The following SLC12A6 variants were observed in gnomAD, a reference collection of about 807,000 sequenced individuals.
The protein encoded by SLC12A6 is solute carrier family 12 member 6.
Under a neutral mutation model 135.3 loss-of-function variants are expected in SLC12A6, and 66 were observed. The observed-to-expected ratio is 0.49, with a 90% confidence interval of 0.40 to 0.60. The LOEUF (loss-of-function observed/expected upper bound fraction) is 0.60, where lower values mean the gene tolerates loss of function less well. SLC12A6 is among the 20% of genes least tolerant of loss of function. The pLI is 0.00. For synonymous variants in SLC12A6, 513 were observed against 508.8 expected (o/e 1.01, Z -0.11); for missense variants, 1,058 against 1,452.3 (o/e 0.73, Z 4.41).
chr15:34,291,579 T>C (rs1434781156), intron 2 of SLC12A6, among the ~76,000 whole-genome samples: 1 of 152,210 alleles, frequency 6.6e-6, no homozygotes, highest in Non-Finnish European at 1.5e-5. Context: ...AAGAGTGTTT[T>C]CTAACTTGGT....
chr15:34,262,583 G>A (rs1226384884), intron 3 of SLC12A6, among the ~76,000 whole-genome samples: 1 of 152,190 alleles, frequency 6.6e-6, no homozygotes, highest in Non-Finnish European at 1.5e-5. Flanking sequence ...GGGAGCAGGG[G>A]CGACAGGACA....
chr15:34,261,024 GAAA>G lies in SLC12A6; in HGVS notation c.317-7_317-5del, dbSNP rs747243268. 5 of 1,302,960 alleles carry G rather than the reference GAAA, an allele frequency of 3.8e-6. No individual in the cohort carries two copies. Among genetic ancestry groups the G allele is most frequent in the Non-Finnish European group, 2.1e-6 (2 of 938,364 alleles). The allele number at this position is 1,302,960 out of a possible 1,614,324, so 80.7% of individuals were successfully genotyped here. On this transcript the variant is annotated splice_region_variant and splice_polypyrimidine_tract_variant and intron_variant, in intron 3 of 25. Transcript: ENST00000354181. ...CGAGCTTTCTTATGTCCGTCGTCTG[GAAA>G]AAAAAAAGTAGACCAAGTTAGTTTC...
In SLC12A6 at chr15:34,233,901, C is replaced by T. The variant is rs753913744; in HGVS notation, c.3433G>A (p.Val1145Met). 6.3e-7 allele frequency: 1 copy of T among 1,596,282 alleles called. No homozygotes were observed. Among genetic ancestry groups the T allele is most frequent in the Admixed American group, 1.7e-5 (1 of 59,998 alleles). Reference sequence around the variant, plus strand: ...GTAGGTTATGAATAAATGGTGATCACTTCACTGCCACCACCCCGGACAAGT... The same window carrying T: ...GTAGGTTATGAATAAATGGTGATCATTTCACTGCCACCACCCCGGACAAGT... ...VLLVRGGGSE[V>M]ITIYS Residue 1145 changes from valine to methionine, a missense_variant, in exon 26 of 26, where the codon GTG becomes ATG. Physicochemically the swap from Val to Met is conservative, Grantham distance 21 (BLOSUM62 1). Transcript: ENST00000354181.
chr15:34,269,673 G>A lies in SLC12A6; in HGVS notation c.316+5672C>T, dbSNP rs954614626. Among the ~76,000 whole-genome samples the A allele has an allele frequency of 1.5e-4, 23 of 151,776 alleles. No individual in the cohort carries two copies. The East Asian group carries it at 4.1e-3, about 27-fold the overall frequency. On this transcript the variant is annotated intron_variant, in intron 3 of 25. Coordinates refer to ENST00000354181, the MANE Select transcript of SLC12A6 (RefSeq NM_001365088.1). ...TCATTTGTCCTGGAGAGTTTCTGAT[G>A]GTCTGGGTTTTGATCATGGCATCCA...
At chr15:34,284,277 C>CTTTTTTTTTTTTTTTTTTTTTTTTT (rs71415558) in intron 2 of SLC12A6, among the ~76,000 whole-genome samples, 2 of 92,490 alleles carry the variant, frequency 2.2e-5, no homozygotes, top group Non-Finnish European at 4.0e-5. Context: ...TGTTTCTTTT[C>CTTTTTTTTTTTTTTTTTTTTTTTTT]TTTTTTTTTT....
chr15:34,252,387 A>G lies in SLC12A6; in HGVS notation c.1119-3T>C. ...TGCGGTTACCCAGCATGCAGACCCT[A>G]AGTGAAAAGAAATAGGGAGAAAGAT... On this transcript the variant is annotated splice_polypyrimidine_tract_variant and splice_region_variant and intron_variant, in intron 9 of 25. Transcript: ENST00000354181. The G allele has an allele frequency of 1.9e-6, 3 of 1,566,036 alleles. No individual in the cohort carries two copies. Among genetic ancestry groups the G allele is most frequent in the Non-Finnish European group, 1.8e-6 (2 of 1,136,222 alleles).
intron 2 of SLC12A6, among the ~76,000 whole-genome samples, chr15:34,290,849 T>A (rs188381816): frequency 6.6e-6 from 1 of 152,186 alleles, no homozygotes; most frequent in East Asian, 1.9e-4. Context: ...TCTTCCTCCA[T>A]CCCTTTATTT....
chr15:34,242,066 A>C, intron 17 of SLC12A6, 36 bp downstream of exon 17: 2 of 1,559,180 alleles, frequency 1.3e-6, no homozygotes, highest in Non-Finnish European at 1.8e-6. Context: ...TAGTCTTGCT[A>C]CTTTTAGCAG....
intron 13 of SLC12A6, among the ~76,000 whole-genome samples, chr15:34,248,199 C>T (rs995531437): frequency 3.9e-5 from 6 of 151,998 alleles, no homozygotes; most frequent in Middle Eastern, 3.4e-3. Context: ...ATTCTACTAG[C>T]GATGGACATT....
At chr15:34,324,080 T>A (rs908819013) in intron 2 of SLC12A6, among the ~76,000 whole-genome samples, 1 of 152,128 alleles carries the variant, frequency 6.6e-6, no homozygotes, top group Non-Finnish European at 1.5e-5. Context: ...GCAATTCTTG[T>A]TCTCTGTATT....
chr15:34,239,422 T>C (rs1891490701), intron 19 of SLC12A6, among the ~76,000 whole-genome samples: 1 of 152,198 alleles, frequency 6.6e-6, no homozygotes, highest in East Asian at 1.9e-4. Context: ...TTTTGTTCCT[T>C]TGCACCATAC....
intron 2 of SLC12A6, among the ~76,000 whole-genome samples, chr15:34,328,673 G>A (rs1248346315): frequency 6.6e-6 from 1 of 152,178 alleles, no homozygotes; most frequent in Admixed American, 6.5e-5. Context: ...GAGCTCAGGA[G>A]TTCGAGACCA....
At chr15:34,318,552 C>G (rs201906721) in intron 2 of SLC12A6, 1 of 1,609,756 alleles carries the variant, frequency 6.2e-7, no homozygotes, top group East Asian at 2.2e-5. Context: ...TCCCAAGTTG[C>G]GTACTCACCT....
intron 3 of SLC12A6, among the ~76,000 whole-genome samples, chr15:34,269,820 G>A (rs1893790455): frequency 1.3e-5 from 2 of 151,976 alleles, no homozygotes; most frequent in South Asian, 4.2e-4. Flanking sequence ...CTTCACAGTG[G>A]TATTATGAAC....
chr15:34,283,280 T>A (rs888131440), intron 2 of SLC12A6, among the ~76,000 whole-genome samples: 1 of 151,988 alleles, frequency 6.6e-6, no homozygotes, highest in South Asian at 2.1e-4. Flanking sequence ...GAGGCAGAGG[T>A]TGCAGTGACC....
chr15:34,269,519 T>C (rs1893764387), intron 3 of SLC12A6, among the ~76,000 whole-genome samples: 1 of 152,234 alleles, frequency 6.6e-6, no homozygotes, highest in South Asian at 2.1e-4. Flanking sequence ...GCAGTAGGTG[T>C]ACCTAATTTC....
At chr15:34,272,968 G>T (rs1894064387) in intron 3 of SLC12A6, among the ~76,000 whole-genome samples, 1 of 152,196 alleles carries the variant, frequency 6.6e-6, no homozygotes, top group South Asian at 2.1e-4. Context: ...ATTTTTCAAT[G>T]AAAGTTTAAT....
rs772604321 is a variant in SLC12A6, at chr15:34,256,292, A to G, written c.691-9T>C. 6.3e-7 allele frequency: 1 copy of G among 1,587,584 alleles called. No individual in the cohort carries two copies. On this transcript the variant is annotated splice_polypyrimidine_tract_variant and intron_variant, in intron 6 of 25. Transcript: ENST00000354181. ...ATAGCAGTCAACATTGTCTGCAGAG[A>G]AAAGGAAAGGAGAGGATTGTTACTG...
At chr15:34,246,505 A>G (rs1411422347) in intron 13 of SLC12A6, among the ~76,000 whole-genome samples, 3 of 152,190 alleles carry the variant, frequency 2.0e-5, no homozygotes, top group African/African-American at 7.2e-5. Context: ...AGCTATGAAT[A>G]AAAATTTGTA....
Sources: gnomAD v4.1 joint callset for allele counts (sites outside exome capture counted in the v4.1 genomes callset) on GRCh38, gnomAD v4.1.1 for gene constraint, MANE v1.5 for transcripts, NCBI Gene and HGNC (gene_info 2026-07-23, HGNC 2026-07-21) for gene names.